NELL2: variants seen among roughly 807,000 people sequenced by gnomAD.
The protein encoded by NELL2 is protein kinase C-binding protein NELL2.
A neutral mutation model predicts 109.6 loss-of-function variants in NELL2; 41 were observed. The observed-to-expected ratio is 0.37, with a 90% CI of 0.29 to 0.49. The LOEUF is 0.49. Ranked by LOEUF, NELL2 falls within the 20% of genes least tolerant of loss-of-function variation. NELL2 has a pLI of 0.98. For synonymous variants in NELL2, 355 were observed against 344.7 expected (o/e 1.03, Z -0.33); for missense variants, 900 against 1,008.3 (o/e 0.89, Z 1.45).
intron 2 of NELL2, among the ~76,000 whole-genome samples, chr12:44,834,436 CTT>C (rs36048159): frequency 0.1 from 13,302 of 131,618 alleles, 726 homozygotes; most frequent in African/African-American, 0.23. Context: ...CACACGCATT[CTT>C]TTTTTTTTTT....
At chr12:44,901,987 G>A (rs1327041710) in intron 1 of NELL2, among the ~76,000 whole-genome samples, 1 of 152,062 alleles carries the variant, frequency 6.6e-6, no homozygotes, top group Non-Finnish European at 1.5e-5. Context: ...TTTGAAAACT[G>A]GCACAAGACA....
Position 44,779,948 on chromosome 12 carries a change from T to C in NELL2, c.410A>G (p.His137Arg), listed in dbSNP as rs372651570. 3.7e-6 allele frequency: 6 copies of C among 1,613,816 alleles called. No homozygotes were observed. Among genetic ancestry groups the C allele is most frequent in the Non-Finnish European group, 4.2e-6 (5 of 1,179,824 alleles). The change falls in exon 4 of 20, where the codon CAC (histidine) becomes CGC (arginine). Residue 137 changes from histidine to arginine, a missense_variant. His to Arg is a conservative substitution (Grantham distance 29). Coordinates refer to ENST00000429094, the MANE Select transcript of NELL2 (RefSeq NM_001145108.2). The part of the protein sequence containing the change: ...LHYRSGSHRP[H>R]TEVFPYILAD... ...CAAAATGTAAGGAAACACTTCTGTG[T>C]GAGGGCGGTGACTGCCTGAGCGGTA...
chr12:44,852,291 C>T (rs1370682998), intron 2 of NELL2, among the ~76,000 whole-genome samples: 2 of 152,164 alleles, frequency 1.3e-5, no homozygotes, highest in East Asian at 3.8e-4. Context: ...TTTTCCTTAC[C>T]TACTTCTTCT....
At chr12:44,864,424 C>T (rs1454554188) in intron 2 of NELL2, among the ~76,000 whole-genome samples, 1 of 152,002 alleles carries the variant, frequency 6.6e-6, no homozygotes, top group Non-Finnish European at 1.5e-5. Context: ...GATAGCTATA[C>T]TTACATCAAA....
intron 13 of NELL2, among the ~76,000 whole-genome samples, chr12:44,638,388 A>G (rs968038830): frequency 6.6e-6 from 1 of 152,172 alleles, no homozygotes; most frequent in African/African-American, 2.4e-5. Context: ...TATGCAGGTT[A>G]TGTAAAAGTC....
chr12:44,795,209 A>C (rs1942576473), intron 3 of NELL2, among the ~76,000 whole-genome samples: 1 of 152,250 alleles, frequency 6.6e-6, no homozygotes, highest in Admixed American at 6.5e-5. Context: ...AAATGATCAG[A>C]CCATCTCAGT....
At chr12:44,912,056 C>G (rs419399) in intron 1 of NELL2, among the ~76,000 whole-genome samples, 2,761 of 151,860 alleles carry the variant, frequency 0.018, 99 homozygotes, top group African/African-American at 0.063. Context: ...GGTTGAAGGT[C>G]TCTGTCTATG....
At chr12:44,728,956 C>A (rs1939221219) in intron 9 of NELL2, among the ~76,000 whole-genome samples, 2 of 149,970 alleles carry the variant, frequency 1.3e-5, no homozygotes, top group Non-Finnish European at 2.9e-5. Flanking sequence ...CATCACTCAA[C>A]CTGCCTTACA....
chr12:44,818,725 A>ATTTTTTTTTTTTTTTTTT (rs1409987918), intron 2 of NELL2, among the ~76,000 whole-genome samples: 1 of 72,146 alleles, frequency 1.4e-5, no homozygotes, highest in Non-Finnish European at 2.5e-5. Context: ...TTGTTCACTT[A>ATTTTTTTTTTTTTTTTTT]TTTTTTTTTT....
chr12:44,666,877 C>T (rs779580528), intron 12 of NELL2, among the ~76,000 whole-genome samples: 1 of 152,174 alleles, frequency 6.6e-6, no homozygotes, highest in Non-Finnish European at 1.5e-5. Context: ...TAGTTTCTAA[C>T]CTACCTGCTC....
chr12:44,584,154 A>G lies in NELL2; in HGVS notation c.1663+23015T>C, dbSNP rs1167566767. ...GCACTCTGCTATATCTTTTCATAGC[A>G]CCTTCAACTCTTATCATTAAGGTAG... On this transcript the variant is annotated intron_variant, in intron 15 of 19. Transcript: ENST00000429094. 3.3e-5 allele frequency among the ~76,000 whole-genome samples: 5 copies of G among 152,204 alleles called. No homozygotes were observed. In the South Asian group the frequency reaches 8.3e-4, roughly 25 times the overall value.
At chr12:44,770,325 C>T (rs1450553) in intron 9 of NELL2, among the ~76,000 whole-genome samples, 70,373 of 151,952 alleles carry the variant, frequency 0.46, 17,372 homozygotes, top group Non-Finnish European at 0.55. Context: ...TTACACAGCC[C>T]CTATAAAGTA....
chr12:44,523,136 A>T lies in NELL2; in HGVS notation c.1998+155T>A. On this transcript the variant is annotated intron_variant, in intron 17 of 19. Transcript: ENST00000429094. ...GGACTAACTAGGAAAGAACATAGGC[A>T]ACATTTGGGATAATGGAAGTGTTCT... The T allele has an allele frequency of 3.9e-6, 3 of 774,606 alleles. No individual in the cohort carries two copies. The South Asian group carries it at 5.3e-5, about 14-fold the overall frequency. 48.0% of individuals were successfully genotyped at this position (774,606 alleles called of 1,614,324 possible). A position where few individuals can be genotyped will look rare whatever the true frequency, so the allele number is the denominator to read the frequency against.
chr12:44,823,653 A>C (rs1943613484), intron 2 of NELL2, among the ~76,000 whole-genome samples: 1 of 152,206 alleles, frequency 6.6e-6, no homozygotes, highest in Admixed American at 6.5e-5. Flanking sequence ...TGGACATTTA[A>C]ATTATTTCCA....
At chr12:44,860,866 C>T (rs1443746665) in intron 2 of NELL2, among the ~76,000 whole-genome samples, 1 of 152,200 alleles carries the variant, frequency 6.6e-6, no homozygotes, top group Non-Finnish European at 1.5e-5. Context: ...CAAAGATTCA[C>T]ATCCATTGTA....
intron 13 of NELL2, among the ~76,000 whole-genome samples, chr12:44,646,336 T>C (rs1947094815): frequency 6.6e-6 from 1 of 152,194 alleles, no homozygotes; most frequent in Non-Finnish European, 1.5e-5. Flanking sequence ...GGTTGGGCTC[T>C]AGAGTGATCT....
At chr12:44,835,029 G>C (rs1048906807) in intron 2 of NELL2, among the ~76,000 whole-genome samples, 2 of 152,142 alleles carry the variant, frequency 1.3e-5, no homozygotes, top group Non-Finnish European at 2.9e-5. Context: ...GGGTCACCAA[G>C]AACAGGGAGG....
chr12:44,585,730 GAA>G (rs1944469824), intron 15 of NELL2, among the ~76,000 whole-genome samples: 1 of 151,274 alleles, frequency 6.6e-6, no homozygotes, highest in South Asian at 2.1e-4. Context: ...AAAATATACT[GAA>G]AGAATCTATA....
chr12:44,702,795 A>C (rs1391914451), intron 12 of NELL2, among the ~76,000 whole-genome samples: 1 of 151,974 alleles, frequency 6.6e-6, no homozygotes, highest in East Asian at 1.9e-4. Flanking sequence ...TAAAAAATGA[A>C]TAAGGATTTT....
Sources: allele counts gnomAD v4.1 joint callset (sites outside exome capture counted in the v4.1 genomes callset), GRCh38; gene constraint gnomAD v4.1.1; transcripts MANE v1.5; gene names NCBI Gene and HGNC (gene_info 2026-07-23, HGNC 2026-07-21).